GPC6: variants seen among roughly 807,000 people sequenced by gnomAD.
The protein encoded by GPC6 is glypican 6.
In GPC6, 14 loss-of-function variants were observed where a neutral mutation model predicts 55.2. That is an observed-to-expected ratio of 0.25 (90% confidence interval 0.17 to 0.40). The LOEUF (loss-of-function observed/expected upper bound fraction) is 0.40. Ranked by LOEUF, GPC6 falls within the 10% of genes least tolerant of loss-of-function variation. The pLI, the probability that GPC6 is intolerant of heterozygous loss-of-function variation, is 1.00. For synonymous variants in GPC6, 278 were observed against 259.6 expected (o/e 1.07, Z -0.68); for missense variants, 641 against 708.5 (o/e 0.90, Z 1.08).
chr13:93,427,616 T>C (rs1303167362), intron 1 of GPC6, among the ~76,000 whole-genome samples: 1 of 152,194 alleles, frequency 6.6e-6, no homozygotes, highest in African/African-American at 2.4e-5. Context: ...AAATTTCCTA[T>C]TATCACATTA....
rs549216959 is a variant in GPC6, at chr13:93,279,969, A to G, written c.160+52353A>G. Among the ~76,000 whole-genome samples the G allele has an allele frequency of 3.3e-5, 5 of 152,336 alleles. No homozygotes were observed. In the East Asian group the frequency reaches 7.7e-4, roughly 24 times the overall value. On this transcript the variant is annotated intron_variant, in intron 1 of 8. Transcript: ENST00000377047. ...ACCCAAACTGGTTAAATGTACGAAC[A>G]TAGTGGGAAATGCCTAGCCTGACGA...
intron 4 of GPC6, among the ~76,000 whole-genome samples, chr13:94,278,220 T>C (rs1892271010): frequency 6.6e-6 from 1 of 152,202 alleles, no homozygotes; most frequent in South Asian, 2.1e-4. Context: ...AGTTCATTTA[T>C]GATTTGGCAC....
chr13:93,803,388 C>A (rs886984035), intron 2 of GPC6, among the ~76,000 whole-genome samples: 3 of 152,018 alleles, frequency 2.0e-5, no homozygotes, highest in Non-Finnish European at 4.4e-5. Context: ...TATAAGATAC[C>A]TTTTCCTACC....
chr13:93,340,751 C>T (rs906255478), intron 1 of GPC6, among the ~76,000 whole-genome samples: 2 of 151,982 alleles, frequency 1.3e-5, no homozygotes, highest in African/African-American at 2.4e-5. Context: ...TGGACCATAG[C>T]GAAGAAGACT....
intron 3 of GPC6, among the ~76,000 whole-genome samples, chr13:93,852,554 G>T (rs1888442213): frequency 6.6e-6 from 1 of 151,728 alleles, no homozygotes; most frequent in African/African-American, 2.4e-5. Context: ...TTTTCCTAAA[G>T]TAGAGCCTAC....
chr13:93,829,049 G>A (rs1041615503), intron 2 of GPC6, among the ~76,000 whole-genome samples: 1 of 152,138 alleles, frequency 6.6e-6, no homozygotes, highest in Admixed American at 6.6e-5. Flanking sequence ...AAATATGCAG[G>A]ACTTGATTTG....
chr13:93,553,841 A>T lies in GPC6; in HGVS notation c.319+8420A>T, dbSNP rs552539693. On this transcript the variant is annotated intron_variant, in intron 2 of 8. Coordinates refer to ENST00000377047, the MANE Select transcript of GPC6 (RefSeq NM_005708.5). ...ATTTCCATAATAAAGAGATTAAAAGAGAGAGAGAAAGAGAGTTGGCCAGCA... is the reference window on the plus strand; with the variant it reads ...ATTTCCATAATAAAGAGATTAAAAGTGAGAGAGAAAGAGAGTTGGCCAGCA... 2.6e-5 allele frequency among the ~76,000 whole-genome samples: 4 copies of T among 151,704 alleles called. No homozygotes were observed. The East Asian group carries it at 7.8e-4, about 29-fold the overall frequency.
At chr13:93,903,787 G>A (rs74111047) in intron 3 of GPC6, among the ~76,000 whole-genome samples, 5,548 of 151,628 alleles carry the variant, frequency 0.037, 287 homozygotes, top group East Asian at 0.17. Context: ...TCCCCACCCC[G>A]CCCCAACTGT....
At chr13:93,715,207 A>C (rs965717461) in intron 2 of GPC6, among the ~76,000 whole-genome samples, 1 of 151,744 alleles carries the variant, frequency 6.6e-6, no homozygotes, top group East Asian at 1.9e-4. Flanking sequence ...CGTGGAGTCA[A>C]CTTAGATGCC....
chr13:94,290,473 C>T (rs985146499), intron 5 of GPC6, among the ~76,000 whole-genome samples: 5 of 150,692 alleles, frequency 3.3e-5, no homozygotes, highest in African/African-American at 1.2e-4. Flanking sequence ...AGAAATTGGC[C>T]CAGTGCAAAG....
chr13:93,407,548 C>T (rs1463154539), intron 1 of GPC6, among the ~76,000 whole-genome samples: 1 of 152,142 alleles, frequency 6.6e-6, no homozygotes, highest in African/African-American at 2.4e-5. Flanking sequence ...TCTTTACTTA[C>T]AGGCTTACAC....
chr13:94,288,542 T>A (rs2139087356), intron 5 of GPC6, among the ~76,000 whole-genome samples: 1 of 150,718 alleles, frequency 6.6e-6, no homozygotes, highest in East Asian at 2.0e-4. Context: ...TAACCTTGTT[T>A]AATACCACTG....
At chr13:93,853,195 C>T (rs1234667692) in intron 3 of GPC6, among the ~76,000 whole-genome samples, 1 of 151,578 alleles carries the variant, frequency 6.6e-6, no homozygotes, top group Admixed American at 6.6e-5. Flanking sequence ...CAGCCAGGCT[C>T]CAGGAGTATA....
chr13:93,955,619 A>G (rs1283171163), intron 3 of GPC6, among the ~76,000 whole-genome samples: 3 of 152,154 alleles, frequency 2.0e-5, no homozygotes, highest in Admixed American at 6.5e-5. Context: ...TTATGGGAGC[A>G]TCTCCTACAC....
intron 1 of GPC6, among the ~76,000 whole-genome samples, chr13:93,352,466 A>G (rs1374388969): frequency 1.3e-5 from 2 of 152,142 alleles, no homozygotes; most frequent in East Asian, 3.9e-4. Context: ...AGCTTGGTAA[A>G]TTCTGGCCAT....
At chr13:93,428,427 A>G (rs978521036) in intron 1 of GPC6, among the ~76,000 whole-genome samples, 1 of 152,154 alleles carries the variant, frequency 6.6e-6, no homozygotes, top group Non-Finnish European at 1.5e-5. Flanking sequence ...GAGCTCAGAC[A>G]TCAGCTTTTC....
At chr13:93,836,934 G>T in intron 3 of GPC6, among the ~76,000 whole-genome samples, 1 of 152,132 alleles carries the variant, frequency 6.6e-6, no homozygotes, top group East Asian at 1.9e-4. Flanking sequence ...AACAGCATAT[G>T]GAATGTATCA....
intron 2 of GPC6, among the ~76,000 whole-genome samples, chr13:93,704,367 A>G (rs1449313409): frequency 6.6e-6 from 1 of 152,016 alleles, no homozygotes; most frequent in East Asian, 1.9e-4. Context: ...CACAATGCAA[A>G]ATAAAAGCTA....
intron 4 of GPC6, among the ~76,000 whole-genome samples, chr13:94,263,495 C>T (rs929315577): frequency 5.9e-5 from 9 of 152,138 alleles, no homozygotes; most frequent in African/African-American, 7.2e-5. Flanking sequence ...CCTCTGCTTT[C>T]GATCAATTTT....
Sources: allele counts gnomAD v4.1 joint callset (sites outside exome capture counted in the v4.1 genomes callset), GRCh38; gene constraint gnomAD v4.1.1; transcripts MANE v1.5; gene names NCBI Gene and HGNC (gene_info 2026-07-23, HGNC 2026-07-21).